ADAMTSL3: variants seen among roughly 807,000 people sequenced by gnomAD.
The protein encoded by ADAMTSL3 is ADAMTS-like protein 3.
In ADAMTSL3, 128 loss-of-function variants were observed where a neutral mutation model predicts 201.7. That is an observed-to-expected ratio of 0.63 (90% CI 0.55 to 0.73). The LOEUF is 0.73. Ranked by LOEUF, ADAMTSL3 falls within the 30% of genes least tolerant of loss-of-function variation. The pLI, the probability that ADAMTSL3 is intolerant of heterozygous loss-of-function variation, is 0.00. For missense variants in ADAMTSL3, 1,990 were observed against 2,119.6 expected (o/e 0.94, Z 1.20); for synonymous variants, 738 against 748.4 (o/e 0.99, Z 0.23).
chr15:83,759,791 C>G (rs1236389519), intron 3 of ADAMTSL3, among the ~76,000 whole-genome samples: 1 of 152,026 alleles, frequency 6.6e-6, no homozygotes, highest in African/African-American at 2.4e-5. Flanking sequence ...GCAGCTTGGC[C>G]TACATCTAAA....
intron 3 of ADAMTSL3, among the ~76,000 whole-genome samples, chr15:83,712,569 T>C (rs537122500): frequency 1.1e-3 from 160 of 152,292 alleles, no homozygotes; most frequent in South Asian, 5.4e-3. Context: ...CACCAAAACC[T>C]TTATGACCTG....
At chr15:83,741,069 A>G (rs1255311029) in intron 3 of ADAMTSL3, among the ~76,000 whole-genome samples, 2 of 152,064 alleles carry the variant, frequency 1.3e-5, no homozygotes, top group Non-Finnish European at 2.9e-5. Flanking sequence ...AGAAAGAGAT[A>G]GAAAGCTTTC....
chr15:83,777,538 C>G (rs563964948), intron 4 of ADAMTSL3, among the ~76,000 whole-genome samples: 119 of 152,174 alleles, frequency 7.8e-4, no homozygotes, highest in African/African-American at 2.8e-3. Context: ...TAAATGAAGC[C>G]AGTTGGCTGA....
At chr15:83,801,036 A>AT (rs1191627562) in intron 4 of ADAMTSL3, among the ~76,000 whole-genome samples, 2 of 152,030 alleles carry the variant, frequency 1.3e-5, no homozygotes, top group African/African-American at 4.8e-5. Context: ...ACACCAGTAC[A>AT]TTTTTTTCTA....
At chr15:83,888,321 A>G (rs1412308069) in intron 10 of ADAMTSL3, among the ~76,000 whole-genome samples, 2 of 152,222 alleles carry the variant, frequency 1.3e-5, no homozygotes, top group Non-Finnish European at 2.9e-5. Context: ...CAAAAGAGGA[A>G]AATTAATTGT....
At chr15:83,835,057 AC>A (rs1241598278) in intron 6 of ADAMTSL3, among the ~76,000 whole-genome samples, 1 of 151,994 alleles carries the variant, frequency 6.6e-6, no homozygotes, top group Non-Finnish European at 1.5e-5. Flanking sequence ...ACACAGTGAA[AC>A]CCTGTCTCTA....
intron 17 of ADAMTSL3, among the ~76,000 whole-genome samples, chr15:83,939,064 T>G (rs2066509595): frequency 6.6e-6 from 1 of 152,212 alleles, no homozygotes; most frequent in Non-Finnish European, 1.5e-5. Context: ...TTCCTATAGT[T>G]TGCTATGTCG....
chr15:83,971,823 A>G (rs2067201963), intron 20 of ADAMTSL3, among the ~76,000 whole-genome samples: 1 of 149,688 alleles, frequency 6.7e-6, no homozygotes, highest in Non-Finnish European at 1.5e-5. Flanking sequence ...GGTAAGGAAA[A>G]AAATTAAAAA....
At chr15:83,664,297 C>T (rs1484708179) in intron 2 of ADAMTSL3, among the ~76,000 whole-genome samples, 1 of 149,388 alleles carries the variant, frequency 6.7e-6, no homozygotes, top group Non-Finnish European at 1.5e-5. Context: ...ACTCAAGGTT[C>T]CCTCCAAAGT....
At chr15:83,968,169 C>A (rs975339500) in intron 19 of ADAMTSL3, among the ~76,000 whole-genome samples, 1 of 152,070 alleles carries the variant, frequency 6.6e-6, no homozygotes, top group African/African-American at 2.4e-5. Flanking sequence ...CAACAAAAGC[C>A]AAAATTGACA....
intron 3 of ADAMTSL3, among the ~76,000 whole-genome samples, chr15:83,705,336 G>A (rs2061835062): frequency 1.3e-5 from 2 of 152,224 alleles, no homozygotes; most frequent in Non-Finnish European, 2.9e-5. Flanking sequence ...CCTTCCCATG[G>A]TACGTGATAG....
chr15:83,790,455 T>C (rs980251105), intron 4 of ADAMTSL3, among the ~76,000 whole-genome samples: 4 of 151,708 alleles, frequency 2.6e-5, no homozygotes, highest in East Asian at 1.9e-4. Context: ...GTAATCTAGC[T>C]AATTAATAGA....
intron 2 of ADAMTSL3, among the ~76,000 whole-genome samples, chr15:83,666,470 T>G (rs1298162634): frequency 1.3e-5 from 2 of 152,214 alleles, no homozygotes. Flanking sequence ...ATTTTATTAG[T>G]AAGAGGTTAT....
rs1288486862 is a variant in ADAMTSL3, at chr15:83,819,877, C to G, written c.430C>G (p.Gln144Glu). ...CTCAGCCTACAATGATGTCCAGTAT[C>G]AGGGGCATTACTATGAATGGCTTCC... is the stretch of plus-strand genomic sequence containing the variant. ...QCSAYNDVQY[Q>E]GHYYEWLPRY... is the part of the protein sequence containing the mutation. Residue 144 changes from glutamine (Q) to glutamate (E), a missense_variant, in exon 6 of 30, where the codon CAG (glutamine) becomes GAG (glutamate). By Grantham distance (29) the Gln-to-Glu change is conservative. Transcript: ENST00000286744. The G allele has an allele frequency of 1.2e-6, 2 of 1,614,138 alleles. No homozygotes were observed. The highest frequency in any genetic ancestry group is 1.1e-5 in the South Asian group (1 of 91,084).
In ADAMTSL3 at chr15:83,723,735, C is replaced by T. The variant is rs1459024643; in HGVS notation, c.189+19227C>T. On this transcript the variant is annotated intron_variant, in intron 3 of 29. Transcript: ENST00000286744. ...TTTATATGTGAACAGAAAGAGAAAC[C>T]TCATGAAAAAGCAAAAATAACAGTG... 2.0e-5 allele frequency among the ~76,000 whole-genome samples: 3 copies of T among 152,088 alleles called. No individual in the cohort carries two copies. The East Asian group carries it at 5.8e-4, about 29-fold the overall frequency.
intron 2 of ADAMTSL3, among the ~76,000 whole-genome samples, chr15:83,700,187 C>T (rs1004721268): frequency 1.6e-4 from 24 of 152,200 alleles, no homozygotes; most frequent in Admixed American, 2.6e-4. Flanking sequence ...TTTAAGGTGG[C>T]GATCTTTGAC....
At position 84,031,282 on chromosome 15, in the gene ADAMTSL3, A is replaced by G. The variant is rs904596361; in HGVS notation, c.4657-53A>G. The G allele has an allele frequency of 5.8e-6, 9 of 1,559,878 alleles. No homozygotes were observed. The African/African-American group carries it at 1.2e-4, about 21-fold the overall frequency. ...GCCTCAGTACATGATCTTAGTACAC[A>G]CAGCATGGATGAGCTTGCAGGATTT... On this transcript the variant is annotated intron_variant, in intron 27 of 29. Coordinates refer to ENST00000286744, the MANE Select transcript of ADAMTSL3 (RefSeq NM_207517.3).
At position 83,988,527 on chromosome 15, in the gene ADAMTSL3, A is replaced by G. The variant is rs542356124; in HGVS notation, c.3717-164A>G. On this transcript the variant is annotated intron_variant, in intron 21 of 29. Transcript: ENST00000286744. ...AGGAAACACTCCACCCTCCTGGTCTATATAGTTCTCTGCTTATAGGCAGGA... is the reference window on the plus strand; with the variant it reads ...AGGAAACACTCCACCCTCCTGGTCTGTATAGTTCTCTGCTTATAGGCAGGA... Among the ~76,000 whole-genome samples the G allele has an allele frequency of 2.6e-5, 4 of 152,282 alleles. No homozygotes were observed. The East Asian group carries it at 5.8e-4, about 22-fold the overall frequency.
chr15:83,766,035 C>G (rs549013450), intron 3 of ADAMTSL3, among the ~76,000 whole-genome samples: 33 of 152,180 alleles, frequency 2.2e-4, no homozygotes, highest in African/African-American at 7.7e-4. Context: ...TCACATGTAA[C>G]CTATCATACG....
Sources: allele counts gnomAD v4.1 joint callset (sites outside exome capture counted in the v4.1 genomes callset), GRCh38; gene constraint gnomAD v4.1.1; transcripts MANE v1.5; gene names NCBI Gene and HGNC (gene_info 2026-07-23, HGNC 2026-07-21).